Variants in SMOC2 observed in about 807,000 individuals in gnomAD.
SMOC2 encodes the protein SPARC-related modular calcium-binding protein 2.
Under a neutral mutation model 61.4 loss-of-function variants are expected in SMOC2, and 39 were observed. The observed-to-expected ratio is 0.64, with a 90% confidence interval of 0.49 to 0.83. The LOEUF (loss-of-function observed/expected upper bound fraction) is 0.83, where lower values mean the gene tolerates loss of function less well. SMOC2 is among the 40% of genes least tolerant of loss of function. The pLI is 0.00. For synonymous variants in SMOC2, 247 were observed against 239.9 expected (o/e 1.03, Z -0.27); for missense variants, 556 against 592.9 (o/e 0.94, Z 0.65).
intron 2 of SMOC2, among the ~76,000 whole-genome samples, chr6:168,521,843 C>T (rs1026840644): frequency 1.3e-5 from 2 of 152,212 alleles, no homozygotes; most frequent in Non-Finnish European, 2.9e-5. Flanking sequence ...CCACTGCCCT[C>T]CAGCCTTGCC....
At chr6:168,485,712 T>G (rs1782315930) in intron 1 of SMOC2, among the ~76,000 whole-genome samples, 1 of 152,040 alleles carries the variant, frequency 6.6e-6, no homozygotes, top group East Asian at 1.9e-4. Flanking sequence ...TATGTTTTTT[T>G]GGGGGGGAGA....
intron 7 of SMOC2, among the ~76,000 whole-genome samples, chr6:168,570,995 C>G (rs1784651288): frequency 6.6e-6 from 1 of 152,124 alleles, no homozygotes; most frequent in African/African-American, 2.4e-5. Flanking sequence ...GCTGTCTGAG[C>G]AGTGCAGGAT....
chr6:168,655,360 T>C (rs2115279131), intron 11 of SMOC2: 1 of 449,638 alleles, frequency 2.2e-6, no homozygotes, highest in Non-Finnish European at 4.5e-6. Flanking sequence ...TTGAAAATAC[T>C]TTTTTTTGTG....
rs1783722738 is a variant in SMOC2 at position 168,535,972 on chromosome 6, A to G, written c.464-7653A>G. 6.6e-6 allele frequency among the ~76,000 whole-genome samples: 1 copy of G among 152,232 alleles called. No homozygotes were observed. Among genetic ancestry groups the G allele is most frequent in the East Asian group, 1.9e-4 (1 of 5,186 alleles). On this transcript the variant is annotated intron_variant, in intron 4 of 12. Coordinates refer to ENST00000356284, the MANE Select transcript of SMOC2 (RefSeq NM_001166412.2). The surrounding 1 kb of genome is among the most constrained non-coding windows in gnomAD (Gnocchi z 4.6). ...CAGCAGCCATGCAGCTTCACGGCAC[A>G]GGGGCCCGGCCGTTCTCTCTGGATT...
At chr6:168,568,584 T>C (rs1470051405) in intron 7 of SMOC2, among the ~76,000 whole-genome samples, 1 of 152,168 alleles carries the variant, frequency 6.6e-6, no homozygotes, top group Non-Finnish European at 1.5e-5. Context: ...ACAGAGTTGA[T>C]TGACTGCCCT....
intron 1 of SMOC2, among the ~76,000 whole-genome samples, chr6:168,500,979 T>C (rs1423100145): frequency 2.6e-5 from 4 of 152,156 alleles, no homozygotes; most frequent in Non-Finnish European, 4.4e-5. Flanking sequence ...GAGTGGGCAT[T>C]GCTTATGAGA....
chr6:168,580,731 T>G (rs1784901527), intron 7 of SMOC2, among the ~76,000 whole-genome samples: 1 of 152,094 alleles, frequency 6.6e-6, no homozygotes, highest in Admixed American at 6.5e-5. Flanking sequence ...TTCATAGTGA[T>G]GAGGTCTTAG....
rs144317852 is a variant in SMOC2, at chr6:168,511,811, G to GTTTTTTTTTTTTTTTTTTTTTTTT, written c.256+1727_256+1728insTTTTTTTTTTTTTTTTTTTTTTTT. ...GACAAATGGCTATTCATTATCAAGG[G>GTTTTTTTTTTTTTTTTTTTTTTTT]TTGTTTTTTTTTTTTTTTCTGAAAT... On this transcript the variant is annotated intron_variant, in intron 2 of 12. Transcript: ENST00000356284. 2.3e-5 allele frequency among the ~76,000 whole-genome samples: 3 copies of GTTTTTTTTTTTTTTTTTTTTTTTT among 130,732 alleles called. 1 individual carries two copies. Among genetic ancestry groups the GTTTTTTTTTTTTTTTTTTTTTTTT allele is most frequent in the African/African-American group, 5.4e-5 (2 of 36,726 alleles). The allele number at this position is 130,732 out of a possible 152,430, so 85.8% of individuals were successfully genotyped here.
At chr6:168,619,194 C>T (rs1786182686) in intron 9 of SMOC2, among the ~76,000 whole-genome samples, 1 of 152,140 alleles carries the variant, frequency 6.6e-6, no homozygotes, top group Non-Finnish European at 1.5e-5. Flanking sequence ...GATAAAGTGC[C>T]ATTTAAAAAA....
rs143192236 is a variant in SMOC2, at chr6:168,637,803, G to T, written c.908-12878G>T. ...GAGAGAAGGATTCCTGTCTGTTTGT[G>T]CTGCTTGCAATTCAGGAGCAGCCTC... On this transcript the variant is annotated intron_variant, in intron 9 of 12. Coordinates refer to ENST00000356284, the MANE Select transcript of SMOC2 (RefSeq NM_001166412.2). 5.1e-3 allele frequency among the ~76,000 whole-genome samples: 782 copies of T among 152,310 alleles called. 3 individuals carry two copies. Among genetic ancestry groups the T allele is most frequent in the Non-Finnish European group, 8.5e-3 (577 of 68,034 alleles).
intron 2 of SMOC2, among the ~76,000 whole-genome samples, chr6:168,511,100 C>T (rs1426389712): frequency 6.6e-6 from 1 of 152,128 alleles, no homozygotes; most frequent in Non-Finnish European, 1.5e-5. Context: ...CTGGGACATT[C>T]TGTTTTCCAT....
intron 9 of SMOC2, among the ~76,000 whole-genome samples, chr6:168,644,296 T>C (rs1383264915): frequency 6.6e-6 from 1 of 152,216 alleles, no homozygotes; most frequent in Non-Finnish European, 1.5e-5. Flanking sequence ...GGGCTGCCAC[T>C]CAGAGGCTCA....
rs1471731707 is a variant in SMOC2 at position 168,527,848 on chromosome 6, G to A, written c.463+121G>A. 7.1e-6 allele frequency: 5 copies of A among 708,842 alleles called. No homozygotes were observed. In the East Asian group the frequency reaches 1.4e-4, roughly 19 times the overall value. The allele number at this position is 708,842 out of a possible 1,614,324, so 43.9% of individuals were successfully genotyped here. A position where few individuals can be genotyped will look rare whatever the true frequency, so the allele number is the denominator to read the frequency against. ...GGAAATCCAGTTTGGCCGGCATTGT[G>A]AGCCACAGTGGGAATAGATCTCGTC... On this transcript the variant is annotated intron_variant, in intron 4 of 12. Transcript: ENST00000356284.
intron 12 of SMOC2, 115 bp downstream of exon 12, chr6:168,664,226 T>C: frequency 2.3e-6 from 2 of 869,998 alleles, no homozygotes; most frequent in Non-Finnish European, 3.7e-6. Flanking sequence ...TCCAAGAAAA[T>C]AAATAATTCA....
At chr6:168,483,204 CA>C (rs1004965767) in intron 1 of SMOC2, among the ~76,000 whole-genome samples, 5 of 151,612 alleles carry the variant, frequency 3.3e-5, no homozygotes, top group South Asian at 2.1e-4. Context: ...CACACACACA[CA>C]AAAAAACTTG....
chr6:168,454,378 A>G (rs1223289916), intron 1 of SMOC2, among the ~76,000 whole-genome samples: 1 of 151,742 alleles, frequency 6.6e-6, no homozygotes, highest in Admixed American at 6.6e-5. Flanking sequence ...TTGGTCACAC[A>G]TTTTCTTCAC....
intron 9 of SMOC2, among the ~76,000 whole-genome samples, chr6:168,628,975 G>T (rs976209829): frequency 2.0e-5 from 3 of 152,358 alleles, no homozygotes; most frequent in East Asian, 3.9e-4. Context: ...CATGGGCTGC[G>T]CAGGGGTTCC....
intron 9 of SMOC2, among the ~76,000 whole-genome samples, chr6:168,631,238 C>T (rs192219879): frequency 1.4e-4 from 21 of 152,250 alleles, no homozygotes; most frequent in East Asian, 7.7e-4. Context: ...TTTCTCAAGC[C>T]GGCTGATGCT....
intron 12 of SMOC2, among the ~76,000 whole-genome samples, chr6:168,665,689 G>C (rs896797812): frequency 1.3e-5 from 2 of 152,188 alleles, no homozygotes; most frequent in Admixed American, 1.3e-4. Context: ...ATACTTTGAC[G>C]GGTTGTCTTT....
Sources: gnomAD v4.1 joint callset for allele counts (sites outside exome capture counted in the v4.1 genomes callset) on GRCh38, gnomAD v4.1.1 for gene constraint, Gnocchi (gnomAD v3.1) non-coding constraint, MANE v1.5 for transcripts, NCBI Gene and HGNC (gene_info 2026-07-23, HGNC 2026-07-21) for gene names.